Variants in CRTAC1 observed in about 807,000 individuals in gnomAD.
CRTAC1 encodes cartilage acidic protein 1.
In CRTAC1, 37 loss-of-function variants were observed where a neutral mutation model predicts 67.8. That is an observed-to-expected ratio of 0.55 (90% confidence interval 0.42 to 0.72). The LOEUF (loss-of-function observed/expected upper bound fraction) is 0.72, where lower values mean the gene tolerates loss of function less well. Among genes scored for constraint, CRTAC1 ranks in the 30% least tolerant of loss-of-function variants. The pLI, the probability that CRTAC1 is intolerant of heterozygous loss-of-function variation, is 0.00. For missense variants in CRTAC1, 780 were observed against 931.6 expected (o/e 0.84, Z 2.12); for synonymous variants, 348 against 371.0 (o/e 0.94, Z 0.71).
intron 1 of CRTAC1, among the ~76,000 whole-genome samples, chr10:98,014,109 T>C (rs1322105674): frequency 6.6e-6 from 1 of 152,180 alleles, no homozygotes; most frequent in East Asian, 1.9e-4. Context: ...TAGAAGAAGG[T>C]CTGTAAATAT....
At chr10:98,014,087 G>A (rs1842954559) in intron 1 of CRTAC1, among the ~76,000 whole-genome samples, 1 of 152,300 alleles carries the variant, frequency 6.6e-6, no homozygotes, top group Middle Eastern at 3.4e-3. Context: ...CAATGGTTAC[G>A]GTGAGGAAGC....
intron 14 of CRTAC1, among the ~76,000 whole-genome samples, chr10:97,874,789 G>A (rs766270419): frequency 5.9e-5 from 9 of 152,116 alleles, no homozygotes; most frequent in Non-Finnish European, 8.8e-5. Flanking sequence ...TTTGCTCAAT[G>A]CCTCTTTCTC....
At chr10:97,902,311 C>A (rs1320722197) in intron 7 of CRTAC1, among the ~76,000 whole-genome samples, 1 of 152,254 alleles carries the variant, frequency 6.6e-6, no homozygotes, top group Non-Finnish European at 1.5e-5. Flanking sequence ...CTGCCTTACC[C>A]ACCACCTGCC....
intron 1 of CRTAC1, among the ~76,000 whole-genome samples, chr10:98,022,379 GAAAGAAAAAATA>G (rs2136706584): frequency 6.6e-6 from 1 of 151,438 alleles, no homozygotes; most frequent in South Asian, 2.1e-4. Flanking sequence ...AAGAAAGAAA[GAAAGAAAAAATA>G]AAAGAAAAAA....
chr10:97,956,521 C>A (rs1413553940), intron 2 of CRTAC1, among the ~76,000 whole-genome samples: 1 of 146,168 alleles, frequency 6.8e-6, no homozygotes, highest in African/African-American at 2.4e-5. Flanking sequence ...AGGATCTTAT[C>A]CTTCTCATTA....
In CRTAC1 at chr10:97,882,693, G is replaced by C; in HGVS notation, c.1675+93C>G. ...TCCCCTGTCCTCCTTTCTGCCCCTT[G>C]CTTGCACCCTGGACCTTGGCATGAG... is the stretch of plus-strand genomic sequence containing the variant. On this transcript the variant is annotated intron_variant, in intron 13 of 14. Coordinates refer to ENST00000370597, the MANE Select transcript of CRTAC1 (RefSeq NM_018058.7). The C allele has an allele frequency of 3.6e-6, 5 of 1,388,934 alleles. No individual in the cohort carries two copies. The South Asian group carries it at 5.9e-5, about 16-fold the overall frequency. The allele number at this position is 1,388,934 out of a possible 1,614,324, so 86.0% of individuals were successfully genotyped here.
At position 97,917,676 on chromosome 10, in the gene CRTAC1, A is replaced by G; in HGVS notation, c.559-20T>C. The G allele has an allele frequency of 6.6e-7, 1 of 1,520,850 alleles. No individual in the cohort carries two copies. The highest frequency in any genetic ancestry group is 8.9e-7 in the Non-Finnish European group (1 of 1,122,548). The allele number at this position is 1,520,850 out of a possible 1,614,324, so 94.2% of individuals were successfully genotyped here. A position where few individuals can be genotyped will look rare whatever the true frequency, so the allele number is the denominator to read the frequency against. On this transcript the variant is annotated intron_variant, in intron 4 of 14. Transcript: ENST00000370597. ...AGAGCCCTGAGGAAGAAGGGAAGGG[A>G]GAGGTGAGCAGGGCCACCTTGGCTC...
chr10:97,931,488 TATACAAC>T (rs1444942960), intron 3 of CRTAC1, among the ~76,000 whole-genome samples: 1 of 152,250 alleles, frequency 6.6e-6, no homozygotes, highest in African/African-American at 2.4e-5. Context: ...AGTGGAGTAC[TATACAAC>T]CATAAAATGA....
chr10:97,994,917 G>A (rs376457659), intron 2 of CRTAC1, among the ~76,000 whole-genome samples: 1 of 152,182 alleles, frequency 6.6e-6, no homozygotes, highest in Admixed American at 6.5e-5. Context: ...GGAATGCATT[G>A]CTGCTTTCCA....
intron 5 of CRTAC1, among the ~76,000 whole-genome samples, chr10:97,910,253 G>A (rs905852154): frequency 1.3e-5 from 2 of 152,182 alleles, no homozygotes; most frequent in African/African-American, 4.8e-5. Flanking sequence ...TGATTAGCTC[G>A]ACTTAGCCAT....
intron 2 of CRTAC1, among the ~76,000 whole-genome samples, chr10:98,006,836 T>G (rs574831489): frequency 4.6e-5 from 7 of 152,212 alleles, no homozygotes. Flanking sequence ...GGACCTGTCA[T>G]GAACTGAACC....
chr10:97,956,348 C>T (rs944225115), intron 2 of CRTAC1, among the ~76,000 whole-genome samples: 2 of 152,178 alleles, frequency 1.3e-5, no homozygotes, highest in African/African-American at 4.8e-5. Context: ...CAAGTGACTT[C>T]CCAAAGGTCA....
chr10:98,028,991 C>T (rs1843299558), intron 1 of CRTAC1, among the ~76,000 whole-genome samples: 1 of 152,154 alleles, frequency 6.6e-6, no homozygotes, highest in Non-Finnish European at 1.5e-5. Flanking sequence ...AATTGTGGTC[C>T]TCTGTGCCAT....
intron 2 of CRTAC1, among the ~76,000 whole-genome samples, chr10:97,968,928 A>AT (rs1477665614): frequency 6.6e-6 from 1 of 152,224 alleles, no homozygotes; most frequent in East Asian, 1.9e-4. Context: ...TCAGAGATTT[A>AT]TTTTTAAAAC....
chr10:97,936,619 G>T (rs2136614895), intron 2 of CRTAC1, among the ~76,000 whole-genome samples: 1 of 152,360 alleles, frequency 6.6e-6, no homozygotes, highest in Middle Eastern at 3.4e-3. Context: ...TAAGCAGCAG[G>T]GTGGCAGAGG....
intron 2 of CRTAC1, among the ~76,000 whole-genome samples, chr10:97,944,761 T>TA: frequency 6.6e-6 from 1 of 152,206 alleles, no homozygotes. Flanking sequence ...AGCTTCCACT[T>TA]AGTCTCTGGA....
intron 2 of CRTAC1, among the ~76,000 whole-genome samples, chr10:97,983,308 G>C (rs998857248): frequency 6.8e-6 from 1 of 148,036 alleles, no homozygotes; most frequent in Non-Finnish European, 1.5e-5. Flanking sequence ...CATTCAAGAA[G>C]ACAGGTTTAG....
At position 97,904,768 on chromosome 10, in the gene CRTAC1, G is replaced by A. The variant is rs376219203; in HGVS notation, c.897C>T (p.Asp299=). ...HQHGRGVALA[D]FNRDGKVDIV... ...TGTCCACTTTGCCATCACGGTTGAA[G>A]TCAGCCAGGGCGACACCTCGCCCAT... is the stretch of plus-strand genomic sequence containing the variant. Residue 299 remains aspartate (D), a synonymous_variant, in exon 7 of 15, where the codon GAC becomes GAT. Coordinates refer to ENST00000370597, the MANE Select transcript of CRTAC1 (RefSeq NM_018058.7). The A allele has an allele frequency of 6.2e-7, 1 of 1,606,388 alleles. No homozygotes were observed. The highest frequency in any genetic ancestry group is 1.3e-5 in the African/African-American group (1 of 74,438).
intron 2 of CRTAC1, among the ~76,000 whole-genome samples, chr10:97,957,477 A>T (rs1170203906): frequency 1.3e-5 from 2 of 152,160 alleles, no homozygotes; most frequent in African/African-American, 4.8e-5. Context: ...ATGCTCTGTA[A>T]GGCAAGACAG....
Sources: gnomAD v4.1 joint callset for allele counts (sites outside exome capture counted in the v4.1 genomes callset) on GRCh38, gnomAD v4.1.1 for gene constraint, MANE v1.5 for transcripts, NCBI Gene and HGNC (gene_info 2026-07-23, HGNC 2026-07-21) for gene names.